The following LRRC3B variants were observed in gnomAD, a reference collection of about 807,000 sequenced individuals.
LRRC3B encodes the protein leucine-rich repeat-containing protein 3B.
A neutral mutation model predicts 12.8 loss-of-function variants in LRRC3B; 2 were observed. The ratio of observed to expected loss-of-function variants is 0.16; its 90% CI spans 0.06 to 0.49. The LOEUF is 0.49. Among genes scored for constraint, LRRC3B ranks in the 20% least tolerant of loss-of-function variants. The probability of loss-of-function intolerance (pLI) is 0.96; values close to 1 mark genes in which losing one functional copy is unlikely to be tolerated. For missense variants in LRRC3B, 189 were observed against 319.4 expected (o/e 0.59, Z 3.11); for synonymous variants, 132 against 122.0 (o/e 1.08, Z -0.54).
chr3:26,682,198 C>G (rs1699986633), intron 1 of LRRC3B, among the ~76,000 whole-genome samples: 1 of 152,124 alleles, frequency 6.6e-6, no homozygotes, highest in African/African-American at 2.4e-5. Context: ...GTGGTTAACT[C>G]CCAATCCCTT....
At chr3:26,669,460 G>A (rs2125429540) in intron 1 of LRRC3B, among the ~76,000 whole-genome samples, 1 of 152,154 alleles carries the variant, frequency 6.6e-6, no homozygotes, top group Admixed American at 6.5e-5. Context: ...AATTCTTCAA[G>A]CAAAAATATT....
At chr3:26,703,181 ATTGAT>A (rs1332070704) in intron 1 of LRRC3B, among the ~76,000 whole-genome samples, 1 of 152,176 alleles carries the variant, frequency 6.6e-6, no homozygotes, top group Non-Finnish European at 1.5e-5. Flanking sequence ...AATTAGACAT[ATTGAT>A]GGTTTATGCA....
intron 1 of LRRC3B, among the ~76,000 whole-genome samples, chr3:26,705,606 T>C (rs1700566751): frequency 6.6e-6 from 1 of 152,084 alleles, no homozygotes; most frequent in Non-Finnish European, 1.5e-5. Flanking sequence ...AGGAAGGCAC[T>C]CTTCTTGCCC....
chr3:26,695,287 G>C (rs977717746), intron 1 of LRRC3B, among the ~76,000 whole-genome samples: 1 of 152,174 alleles, frequency 6.6e-6, no homozygotes, highest in African/African-American at 2.4e-5. Flanking sequence ...CAGCACTTTG[G>C]GGGGCCGAGG....
chr3:26,678,407 T>C (rs911050721), intron 1 of LRRC3B, among the ~76,000 whole-genome samples: 12 of 151,864 alleles, frequency 7.9e-5, no homozygotes, highest in Admixed American at 6.6e-5. Flanking sequence ...GGTAGGAGAA[T>C]AGCTTGAGCC....
intron 1 of LRRC3B, among the ~76,000 whole-genome samples, chr3:26,663,955 T>C (rs1010122899): frequency 1.3e-5 from 2 of 152,098 alleles, no homozygotes; most frequent in African/African-American, 4.8e-5. Flanking sequence ...AATCAGAGGA[T>C]TTTTCTATGA....
At chr3:26,677,660 A>G (rs1699887638) in intron 1 of LRRC3B, among the ~76,000 whole-genome samples, 1 of 152,216 alleles carries the variant, frequency 6.6e-6, no homozygotes, top group Non-Finnish European at 1.5e-5. Flanking sequence ...TCCCAAAGAA[A>G]CACATGTATA....
At chr3:26,635,425 C>A (rs1318372898) in intron 1 of LRRC3B, among the ~76,000 whole-genome samples, 1 of 152,134 alleles carries the variant, frequency 6.6e-6, no homozygotes, top group African/African-American at 2.4e-5. Context: ...TAGATGAAGT[C>A]ATGAAGGTGG....
intron 1 of LRRC3B, among the ~76,000 whole-genome samples, chr3:26,697,430 G>T (rs550653822): frequency 6.6e-6 from 1 of 151,912 alleles, no homozygotes; most frequent in East Asian, 1.9e-4. Flanking sequence ...CTTCTTATAA[G>T]AGCACTCAAA....
intron 1 of LRRC3B, among the ~76,000 whole-genome samples, chr3:26,673,681 T>C (rs1289088320): frequency 6.6e-6 from 1 of 152,226 alleles, no homozygotes; most frequent in Non-Finnish European, 1.5e-5. Context: ...TAAGCTGCTC[T>C]GCCTTCTTAC....
chr3:26,684,895 C>T (rs1289399378), intron 1 of LRRC3B, among the ~76,000 whole-genome samples: 1 of 152,214 alleles, frequency 6.6e-6, no homozygotes. Context: ...TTACTCCATT[C>T]TCACATACAA....
At chr3:26,636,593 G>T (rs972824140) in intron 1 of LRRC3B, among the ~76,000 whole-genome samples, 2 of 152,002 alleles carry the variant, frequency 1.3e-5, no homozygotes, top group Non-Finnish European at 2.9e-5. Context: ...TAAATTGTGG[G>T]CTAAATCTCA....
chr3:26,678,200 A>G (rs573649213), intron 1 of LRRC3B, among the ~76,000 whole-genome samples: 1 of 151,778 alleles, frequency 6.6e-6, no homozygotes, highest in African/African-American at 2.4e-5. Context: ...ATATGGGAGA[A>G]GTAGTGGAAT....
intron 1 of LRRC3B, among the ~76,000 whole-genome samples, chr3:26,672,412 C>A (rs1219533642): frequency 6.6e-6 from 1 of 152,106 alleles, no homozygotes; most frequent in Non-Finnish European, 1.5e-5. Flanking sequence ...ATGAAAATAT[C>A]TCCTCATAAT....
chr3:26,625,784 A>G (rs1360147592), intron 1 of LRRC3B, among the ~76,000 whole-genome samples: 1 of 152,180 alleles, frequency 6.6e-6, no homozygotes, highest in Non-Finnish European at 1.5e-5. Flanking sequence ...AGTTCTTACT[A>G]TGTGCCAGAC....
At chr3:26,705,729 G>T (rs953899203) in intron 1 of LRRC3B, among the ~76,000 whole-genome samples, 2 of 152,078 alleles carry the variant, frequency 1.3e-5, no homozygotes, top group Non-Finnish European at 2.9e-5. Context: ...AAGCTTTTTA[G>T]CCCTGTATTC....
intron 1 of LRRC3B, among the ~76,000 whole-genome samples, chr3:26,631,819 A>G (rs1698762941): frequency 6.6e-6 from 1 of 152,090 alleles, no homozygotes; most frequent in Non-Finnish European, 1.5e-5. Flanking sequence ...GGTTACATCA[A>G]ATGTTCTGGG....
At chr3:26,671,373 T>TATATATATAGAGAGAGAGAGAG (rs1261897533) in intron 1 of LRRC3B, among the ~76,000 whole-genome samples, 5 of 28,252 alleles carry the variant, frequency 1.8e-4, no homozygotes, top group East Asian at 2.5e-3. Flanking sequence ...TATATATATA[T>TATATATATAGAGAGAGAGAGAG]AGAGAGAGAG....
chr3:26,687,353 G>A (rs1266977477), intron 1 of LRRC3B, among the ~76,000 whole-genome samples: 2 of 152,044 alleles, frequency 1.3e-5, no homozygotes, highest in African/African-American at 4.8e-5. Flanking sequence ...AATTTTTGCT[G>A]CTATGACAAT....
Sources: gnomAD v4.1 joint callset for allele counts (sites outside exome capture counted in the v4.1 genomes callset) on GRCh38, gnomAD v4.1.1 for gene constraint, MANE v1.5 for transcripts, NCBI Gene and HGNC (gene_info 2026-07-23, HGNC 2026-07-21) for gene names.